Variants in RORA observed in about 807,000 individuals in gnomAD.
The protein encoded by RORA is RAR related orphan receptor A, also known as nuclear receptor ROR-alpha.
Under a neutral mutation model 69.5 loss-of-function variants are expected in RORA, and 7 were observed. The observed-to-expected ratio is 0.10, with a 90% CI of 0.06 to 0.19. The LOEUF (loss-of-function observed/expected upper bound fraction) is 0.19. Among genes scored for constraint, RORA ranks in the 10% least tolerant of loss-of-function variants. RORA has a pLI of 1.00. For missense variants in RORA, 457 were observed against 663.0 expected, an observed-to-expected ratio of 0.69 and a Z score of 3.41; for synonymous variants, 261 against 240.8, an observed-to-expected ratio of 1.08 and a Z score of -0.78.
At chr15:60,612,439 C>A (rs946990207) in intron 2 of RORA, among the ~76,000 whole-genome samples, 5 of 152,146 alleles carry the variant, frequency 3.3e-5, no homozygotes, top group Admixed American at 3.3e-4. Context: ...TGGATGTATG[C>A]CCAGTTGAAG....
chr15:60,810,707 C>A (rs142642470), intron 1 of RORA, among the ~76,000 whole-genome samples: 1 of 116,668 alleles, frequency 8.6e-6, no homozygotes, highest in East Asian at 2.5e-4. Flanking sequence ...GGTATTCCAC[C>A]CTTTCCCTCC....
intron 1 of RORA, among the ~76,000 whole-genome samples, chr15:60,819,993 C>A (rs1167908324): frequency 6.6e-6 from 1 of 152,264 alleles, no homozygotes; most frequent in Non-Finnish European, 1.5e-5. Flanking sequence ...CTGGAAGGAG[C>A]TGTCTCTCAC....
At chr15:60,588,306 T>C (rs755331227) in intron 2 of RORA, among the ~76,000 whole-genome samples, 1 of 152,162 alleles carries the variant, frequency 6.6e-6, no homozygotes, top group Non-Finnish European at 1.5e-5. Flanking sequence ...GTGCTGTAAA[T>C]AGTAAAAATG....
chr15:60,875,292 C>T (rs2073601042), intron 1 of RORA, among the ~76,000 whole-genome samples: 1 of 152,192 alleles, frequency 6.6e-6, no homozygotes, highest in Non-Finnish European at 1.5e-5. Flanking sequence ...CAACTATGCC[C>T]TCAAGGACAC....
rs182366959 is a variant in RORA, at chr15:61,139,099, G to T, written c.166+89954C>A. Among the ~76,000 whole-genome samples the T allele has an allele frequency of 2.4e-3, 366 of 151,640 alleles. 1 individual carries two copies. Among genetic ancestry groups the T allele is most frequent in the African/African-American group, 8.2e-3 (340 of 41,306 alleles). On this transcript the variant is annotated intron_variant, in intron 1 of 10. Coordinates refer to ENST00000335670, the MANE Select transcript of RORA (RefSeq NM_134261.3). The stretch of plus-strand genomic sequence containing the variant: ...GCGGAGCTTGCAGTGAGCCAAGATC[G>T]CGCCACTGCACTCCAGCCTGGGCGA...
intron 1 of RORA, among the ~76,000 whole-genome samples, chr15:61,190,703 G>T (rs2079790404): frequency 6.6e-6 from 1 of 151,978 alleles, no homozygotes; most frequent in African/African-American, 2.4e-5. Flanking sequence ...AGCCAAAATG[G>T]CACCACTGCA....
intron 2 of RORA, among the ~76,000 whole-genome samples, chr15:60,641,835 C>A (rs1426120945): frequency 1.3e-5 from 2 of 152,028 alleles, no homozygotes; most frequent in African/African-American, 4.8e-5. Context: ...ATTAAGTTTA[C>A]CAAGTAGAGG....
chr15:60,665,899 T>C (rs1874470739), intron 2 of RORA, among the ~76,000 whole-genome samples: 1 of 152,166 alleles, frequency 6.6e-6, no homozygotes, highest in Admixed American at 6.5e-5. Flanking sequence ...GGTCTCGAAC[T>C]CCTGACCTCC....
At position 60,936,776 on chromosome 15, in the gene RORA, T is replaced by C. The variant is rs146517764; in HGVS notation, c.167-258090A>G. Reference sequence around the variant, plus strand: ...AGCTAGTTAGAAAAACTAGCAGTTATTATTGATGAAATGTGTAAGACAGAC... The same window carrying C: ...AGCTAGTTAGAAAAACTAGCAGTTACTATTGATGAAATGTGTAAGACAGAC... On this transcript the variant is annotated intron_variant, in intron 1 of 10. Coordinates refer to ENST00000335670, the MANE Select transcript of RORA (RefSeq NM_134261.3). 5.1e-3 allele frequency among the ~76,000 whole-genome samples: 779 copies of C among 152,378 alleles called. 34 individuals are homozygous for C. In the East Asian group the frequency reaches 0.092, roughly 18 times the overall value.
intron 1 of RORA, among the ~76,000 whole-genome samples, chr15:60,731,762 C>T (rs1267704020): frequency 1.3e-5 from 2 of 152,102 alleles, no homozygotes; most frequent in African/African-American, 4.8e-5. Context: ...TGTTAGTGCC[C>T]AAAATGAAAT....
chr15:60,927,528 T>C (rs1892252692), intron 1 of RORA, among the ~76,000 whole-genome samples: 2 of 152,192 alleles, frequency 1.3e-5, no homozygotes, highest in Admixed American at 1.3e-4. Flanking sequence ...GTCCCAGCAC[T>C]TTGGGAGGTA....
chr15:60,712,447 T>C (rs1479341734), intron 1 of RORA, among the ~76,000 whole-genome samples: 1 of 152,180 alleles, frequency 6.6e-6, no homozygotes, highest in African/African-American at 2.4e-5. Context: ...GCACTCTCTA[T>C]TGTCTAGTGG....
chr15:60,728,908 T>A lies in RORA; in HGVS notation c.167-50222A>T, dbSNP rs558725437. On this transcript the variant is annotated intron_variant, in intron 1 of 10. Coordinates refer to ENST00000335670, the MANE Select transcript of RORA (RefSeq NM_134261.3). ...ACTTTATACAATAATAAAATTATAA[T>A]ATAAATGTAAGATATTATTAATTGC... is the stretch of plus-strand genomic sequence containing the variant. Among the ~76,000 whole-genome samples, 19 of 152,344 alleles carry A rather than the reference T, an allele frequency of 1.2e-4. No homozygotes were observed. In the East Asian group the frequency reaches 3.7e-3, roughly 29 times the overall value.
At chr15:61,073,061 A>C (rs1024925669) in intron 1 of RORA, among the ~76,000 whole-genome samples, 8 of 152,220 alleles carry the variant, frequency 5.3e-5, no homozygotes, top group African/African-American at 1.9e-4. Flanking sequence ...CGCCACCATC[A>C]ATTGCATCTT....
intron 1 of RORA, among the ~76,000 whole-genome samples, chr15:61,120,593 CG>C (rs1306277014): frequency 6.7e-6 from 1 of 149,590 alleles, no homozygotes. Flanking sequence ...CCCAGCTACT[CG>C]GGAGGCTGAG....
chr15:60,518,039 T>C (rs986604546), intron 3 of RORA, among the ~76,000 whole-genome samples: 2 of 152,328 alleles, frequency 1.3e-5, no homozygotes, highest in Non-Finnish European at 2.9e-5. Flanking sequence ...TTTTTTCTTT[T>C]TTAAAACTGA....
chr15:60,839,654 A>C (rs936315329), intron 1 of RORA, among the ~76,000 whole-genome samples: 3 of 152,202 alleles, frequency 2.0e-5, no homozygotes, highest in Non-Finnish European at 4.4e-5. Flanking sequence ...ATGAGTTTGT[A>C]ACTCCAGAGA....
intron 1 of RORA, among the ~76,000 whole-genome samples, chr15:61,133,190 T>C (rs772429263): frequency 2.6e-5 from 4 of 152,140 alleles, no homozygotes; most frequent in Non-Finnish European, 4.4e-5. Flanking sequence ...CTTTTCAAAT[T>C]ATGCATATAA....
chr15:60,651,170 C>G (rs969315201), intron 2 of RORA, among the ~76,000 whole-genome samples: 4 of 152,080 alleles, frequency 2.6e-5, no homozygotes, highest in Admixed American at 6.5e-5. Context: ...TTACTATGTC[C>G]CCATCCTTTC....
Sources: allele counts gnomAD v4.1 joint callset (sites outside exome capture counted in the v4.1 genomes callset), GRCh38; gene constraint gnomAD v4.1.1; transcripts MANE v1.5; gene names NCBI Gene and HGNC (gene_info 2026-07-23, HGNC 2026-07-21).